Variants in SLC37A1 observed in about 807,000 individuals in gnomAD.
SLC37A1 encodes the protein glucose-6-phosphate exchanger SLC37A1.
A neutral mutation model predicts 75.3 loss-of-function variants in SLC37A1; 49 were observed. The ratio of observed to expected loss-of-function variants is 0.65; its 90% CI spans 0.52 to 0.83. The LOEUF (loss-of-function observed/expected upper bound fraction) is 0.83, where lower values mean the gene tolerates loss of function less well. Among genes scored for constraint, SLC37A1 ranks in the 40% least tolerant of loss-of-function variants. SLC37A1 has a pLI of 0.00. For missense variants in SLC37A1, 566 were observed against 695.0 expected (o/e 0.81, Z 2.09); for synonymous variants, 268 against 292.1 (o/e 0.92, Z 0.84).
At chr21:42,577,176 A>C (rs768469563) in intron 18 of SLC37A1, among the ~76,000 whole-genome samples, 46 of 151,302 alleles carry the variant, frequency 3.0e-4, no homozygotes, top group Middle Eastern at 3.4e-3. Context: ...AGATAGATCC[A>C]GAAGGAAAGT....
intron 9 of SLC37A1, among the ~76,000 whole-genome samples, chr21:42,550,833 T>C (rs905216344): frequency 6.6e-6 from 1 of 152,240 alleles, no homozygotes; most frequent in African/African-American, 2.4e-5. Flanking sequence ...TGCATGATCA[T>C]CTCAGTAGAA....
chr21:42,512,861 G>A (rs951791847), upstream of SLC37A1, among the ~76,000 whole-genome samples: 1 of 152,252 alleles, frequency 6.6e-6, no homozygotes, highest in Non-Finnish European at 1.5e-5. Context: ...GGCCCCAGGG[G>A]GAAACTGCGA....
At chr21:42,512,726 G>T (rs1347782388), upstream of SLC37A1, among the ~76,000 whole-genome samples, 2 of 152,270 alleles carry the variant, frequency 1.3e-5, no homozygotes, top group South Asian at 4.1e-4. Context: ...GCGTGGCAAA[G>T]AAGTGGGCAG....
At chr21:42,571,234 T>C (rs944041361) in intron 17 of SLC37A1, among the ~76,000 whole-genome samples, 2 of 152,202 alleles carry the variant, frequency 1.3e-5, no homozygotes, top group African/African-American at 4.8e-5. Context: ...GCTTATTCAG[T>C]GTCACTGTCC....
chr21:42,517,609 C>A, intron 1 of SLC37A1, among the ~76,000 whole-genome samples: 1 of 152,194 alleles, frequency 6.6e-6, no homozygotes, highest in Admixed American at 6.5e-5. Context: ...GGAGACCAGG[C>A]CTGCCTGCTG....
At chr21:42,572,987 T>C (rs2056222911) in intron 17 of SLC37A1, among the ~76,000 whole-genome samples, 1 of 152,194 alleles carries the variant, frequency 6.6e-6, no homozygotes, top group South Asian at 2.1e-4. Flanking sequence ...CTGCGGAACC[T>C]GCAGGAGGAG....
At chr21:42,521,629 C>G (rs960948899) in intron 2 of SLC37A1, among the ~76,000 whole-genome samples, 5 of 152,218 alleles carry the variant, frequency 3.3e-5, no homozygotes, top group Non-Finnish European at 7.3e-5. Flanking sequence ...AGGGGCACCC[C>G]CATCTGGTGC....
chr21:42,563,787 G>A, intron 12 of SLC37A1, 28 bp from the exon 13 acceptor site: 2 of 1,612,960 alleles, frequency 1.2e-6, no homozygotes, highest in Middle Eastern at 1.7e-4. Flanking sequence ...GATCCTCACT[G>A]TTTCACACTC....
chr21:42,550,955 A>T (rs1017346049), intron 9 of SLC37A1, among the ~76,000 whole-genome samples: 1 of 152,234 alleles, frequency 6.6e-6, no homozygotes, highest in Non-Finnish European at 1.5e-5. Context: ...TAAAACCCAC[A>T]CCTCACAGTG....
rs1459480609 is a variant in SLC37A1 at position 42,548,815 on chromosome 21, G to A, written c.768+1675G>A. Among the ~76,000 whole-genome samples, 4 of 152,136 alleles carry A rather than the reference G, an allele frequency of 2.6e-5. No homozygotes were observed. The highest frequency in any genetic ancestry group is 1.9e-4 in the East Asian group (1 of 5,188). ...CCTCACAGAAGGGTGCGAGCCCCTC[G>A]GGCCTGGATCATCACTGGGTCCCGG... On this transcript the variant is annotated intron_variant, in intron 9 of 19. Coordinates refer to ENST00000352133, the MANE Select transcript of SLC37A1 (RefSeq NM_001320537.2). The surrounding 1 kb of genome is among the most constrained non-coding windows in gnomAD (Gnocchi z 5.6).
At chr21:42,535,404 A>G (rs1417743496) in intron 4 of SLC37A1, 68 bp from the exon 5 acceptor site, 4 of 1,366,486 alleles carry the variant, frequency 2.9e-6, no homozygotes, top group African/African-American at 2.9e-5. Flanking sequence ...TTTGTGTTTT[A>G]TAGCCGTGCT....
rs2056409896 is a variant in SLC37A1, at chr21:42,580,834, G to A, written c.*474G>A. The A allele has an allele frequency of 1.1e-5, 2 of 176,632 alleles. No individual in the cohort carries two copies. The highest frequency in any genetic ancestry group is 2.5e-4 in the South Asian group (2 of 8,140). The allele number at this position is 176,632 out of a possible 1,614,324, so 10.9% of individuals were successfully genotyped here. A position where few individuals can be genotyped will look rare whatever the true frequency, so the allele number is the denominator to read the frequency against. ...AGAGCCCACCAGACAGTGCCGGCCAGCAGAGAAGCAGAGAGCCAGCGCCAC... is the reference window on the plus strand; with the variant it reads ...AGAGCCCACCAGACAGTGCCGGCCAACAGAGAAGCAGAGAGCCAGCGCCAC... On this transcript the variant is annotated 3_prime_UTR_variant, in exon 20 of 20. Coordinates refer to ENST00000352133, the MANE Select transcript of SLC37A1 (RefSeq NM_001320537.2).
intron 18 of SLC37A1, among the ~76,000 whole-genome samples, chr21:42,576,452 T>C (rs1018630153): frequency 6.6e-6 from 1 of 152,152 alleles, no homozygotes; most frequent in African/African-American, 2.4e-5. Context: ...CCCTGCAGCA[T>C]AGGATTTCTG....
chr21:42,552,067 G>A lies in SLC37A1; in HGVS notation c.769-1995G>A, dbSNP rs2055572835. Among the ~76,000 whole-genome samples, 1 of 152,152 alleles carries A rather than the reference G, an allele frequency of 6.6e-6. No homozygotes were observed. The highest frequency in any genetic ancestry group is 2.4e-5 in the African/African-American group (1 of 41,418). Reference sequence around the variant, plus strand: ...TGAATCACAATTAATATGAAAGAGAGTATTCAATTCTTTACCATTTGCCTT... The same window carrying A: ...TGAATCACAATTAATATGAAAGAGAATATTCAATTCTTTACCATTTGCCTT... On this transcript the variant is annotated intron_variant, in intron 9 of 19. Transcript: ENST00000352133. The surrounding 1 kb of genome is among the most constrained non-coding windows in gnomAD (Gnocchi z 4.2).
At chr21:42,578,658 C>A (rs1310541231) in intron 18 of SLC37A1, among the ~76,000 whole-genome samples, 1 of 152,230 alleles carries the variant, frequency 6.6e-6, no homozygotes, top group African/African-American at 2.4e-5. Flanking sequence ...TTCCCACGAC[C>A]TTTACCACCT....
intron 5 of SLC37A1, 50 bp downstream of exon 5, chr21:42,535,600 G>A (rs747956551): frequency 1.4e-5 from 21 of 1,503,958 alleles, no homozygotes; most frequent in Admixed American, 1.3e-4. Flanking sequence ...TGGCCCCTCC[G>A]TGCAGAGAAG....
At position 42,547,461 on chromosome 21, in the gene SLC37A1, G is replaced by A. The variant is rs753680230; in HGVS notation, c.768+321G>A. On this transcript the variant is annotated intron_variant, in intron 9 of 19. Transcript: ENST00000352133. The surrounding 1 kb of genome is among the most constrained non-coding windows in gnomAD (Gnocchi z 6.1). ...GTTTCCCCAGGGGCCTCAGTGTGAC[G>A]GGGAAAAACGCACGTGTCAGCTGCC... 6.4e-5 allele frequency: 19 copies of A among 299,080 alleles called. No individual in the cohort carries two copies. The highest frequency in any genetic ancestry group is 9.4e-5 in the Admixed American group (2 of 21,220). 18.5% of individuals were successfully genotyped at this position (299,080 alleles called of 1,614,324 possible). A position where few individuals can be genotyped will look rare whatever the true frequency, so the allele number is the denominator to read the frequency against.
At position 42,513,951 on chromosome 21, in the gene SLC37A1, G is replaced by C. The variant is rs1205117026; in HGVS notation, c.-945G>C. The C allele has an allele frequency of 6.8e-6, 1 of 146,072 alleles. No individual in the cohort carries two copies. Among genetic ancestry groups the C allele is most frequent in the Non-Finnish European group, 1.5e-5 (1 of 65,630 alleles). The allele number at this position is 146,072 out of a possible 1,614,324, so 9.0% of individuals were successfully genotyped here. On this transcript the variant is annotated 5_prime_UTR_variant, in exon 1 of 20. Transcript: ENST00000352133. ...TGAGGCGCGGGGCCGGGGCCGGACC[G>C]GGAGGCGGGGACCCCCCGCCCCCCC...
intron 9 of SLC37A1, among the ~76,000 whole-genome samples, chr21:42,551,915 AT>A (rs2055568995): frequency 6.6e-6 from 1 of 152,014 alleles, no homozygotes; most frequent in Non-Finnish European, 1.5e-5. Context: ...AGTTTCCCAC[AT>A]TTGAGGCTTT....
Sources: gnomAD v4.1 joint callset for allele counts (sites outside exome capture counted in the v4.1 genomes callset) on GRCh38, gnomAD v4.1.1 for gene constraint, Gnocchi (gnomAD v3.1) non-coding constraint, MANE v1.5 for transcripts, NCBI Gene and HGNC (gene_info 2026-07-23, HGNC 2026-07-21) for gene names.